Variants in TEP1 observed in about 807,000 individuals in gnomAD.
The protein encoded by TEP1 is telomerase protein component 1.
In TEP1, 241 loss-of-function variants were observed where a neutral mutation model predicts 306.3. That is an observed-to-expected ratio of 0.79 (90% CI 0.71 to 0.88). TEP1 has a LOEUF of 0.88. TEP1 is among the 40% of genes least tolerant of loss of function. TEP1 has a pLI of 0.00. For synonymous variants in TEP1, 1,289 were observed against 1,305.5 expected (o/e 0.99, Z 0.27); for missense variants, 3,051 against 3,276.1 (o/e 0.93, Z 1.68).
At chr14:20,389,382 C>T in intron 16 of TEP1, 85 bp from the exon 17 acceptor site, 1 of 1,516,936 alleles carries the variant, frequency 6.6e-7, no homozygotes, top group Non-Finnish European at 9.2e-7. Context: ...AGATGAAAAC[C>T]CCACTTCTGC....
intron 35 of TEP1, among the ~76,000 whole-genome samples, chr14:20,379,536 T>G (rs987698087): frequency 1.3e-5 from 2 of 152,248 alleles, no homozygotes; most frequent in African/African-American, 4.8e-5. Flanking sequence ...CTCAGGTTCC[T>G]TGTTCAAACA....
chr14:20,410,599 C>CCT (rs1879576613), intron 1 of TEP1, among the ~76,000 whole-genome samples: 1 of 138,824 alleles, frequency 7.2e-6, no homozygotes, highest in Admixed American at 7.3e-5. Context: ...ATTTTTTTTT[C>CCT]TTTTTTTTTT....
chr14:20,393,279 T>C (rs955706322), intron 12 of TEP1, among the ~76,000 whole-genome samples: 1 of 152,098 alleles, frequency 6.6e-6, no homozygotes, highest in Non-Finnish European at 1.5e-5. Context: ...CTGAATCTGA[T>C]AGTTTTATGA....
intron 9 of TEP1, 82 bp downstream of exon 9, chr14:20,400,902 G>T: frequency 1.3e-6 from 2 of 1,520,922 alleles, no homozygotes; most frequent in Non-Finnish European, 1.8e-6. Context: ...TCATTCCACA[G>T]AAATCTTCTA....
Position 20,383,495 on chromosome 14 carries a change from A to G in TEP1, c.3860T>C (p.Leu1287Pro), listed in dbSNP as rs748048653. The G allele has an allele frequency of 6.2e-7, 1 of 1,614,164 alleles. No individual in the cohort carries two copies. The highest frequency in any genetic ancestry group is 1.1e-5 in the South Asian group (1 of 91,086). Residue 1287 changes from leucine (L) to proline (P), a missense_variant, in exon 26 of 55, where the codon CTT (leucine) becomes CCT (proline). Coordinates refer to ENST00000262715, the MANE Select transcript of TEP1 (RefSeq NM_007110.5). Reference protein sequence around the residue: ...QLISDWIPKKLPRCVHLVLSV... With the variant: ...QLISDWIPKKPPRCVHLVLSV... ...CCTCCTTCTCACACTCACCCGGGGA[A>G]GCTTCTTTGGGATCCAGTCTGAAAT...
chr14:20,377,714 G>A lies in TEP1; in HGVS notation c.5761C>T (p.His1921Tyr). The change falls in exon 40 of 55, where the codon CAC becomes TAC. Residue 1921 changes from histidine to tyrosine, a missense_variant. His to Tyr is a moderately conservative substitution (Grantham distance 83). This residue lies in a region of TEP1 where 1,540 missense variants were observed against 1,705.9 expected (regional missense o/e 0.90). Transcript: ENST00000262715. ...WSGSLGRPRG[H>Y]LGSLSLSPAL... is the part of the protein sequence containing the mutation. Reference sequence around the variant, plus strand: ...GGAGAGAGAGAAAGGGAACCCAGGTGCCCACGGGGCCGACCCAGAGACCCT... The same window carrying A: ...GGAGAGAGAGAAAGGGAACCCAGGTACCCACGGGGCCGACCCAGAGACCCT... The A allele has an allele frequency of 6.2e-7, 1 of 1,613,990 alleles. No homozygotes were observed. Among genetic ancestry groups the A allele is most frequent in the Non-Finnish European group, 8.5e-7 (1 of 1,179,996 alleles).
chr14:20,385,190 C>A, intron 20 of TEP1, 81 bp from the exon 21 acceptor site: 1 of 1,556,862 alleles, frequency 6.4e-7, no homozygotes, highest in African/African-American at 1.4e-5. Context: ...CCCAGGACTC[C>A]TGTATCTCTG....
rs1884923995 is a variant in TEP1 at position 20,372,767 on chromosome 14, T to G, written c.7042A>C (p.Lys2348Gln). The G allele has an allele frequency of 1.2e-6, 2 of 1,614,134 alleles. No homozygotes were observed. The highest frequency in any genetic ancestry group is 1.7e-5 in the Admixed American group (1 of 60,012). ...CCGGGTGCCGAACCCTTCCGCAGTT[T>G]CACTTGCCACTCGCTGATTTTCTCA... is the stretch of plus-strand genomic sequence containing the variant. ...ADEKISEWQV[K>Q]LRKGSAPGNL... Residue 2348 changes from lysine (K) to glutamine (Q), a missense_variant, in exon 49 of 55, where the codon AAA becomes CAA. Coordinates refer to ENST00000262715, the MANE Select transcript of TEP1 (RefSeq NM_007110.5).
intron 7 of TEP1, 57 bp downstream of exon 7, chr14:20,403,320 T>C: frequency 1.3e-6 from 2 of 1,583,446 alleles, no homozygotes; most frequent in Non-Finnish European, 1.7e-6. Context: ...TGTTCGTAAA[T>C]ATTAGTCCAG....
chr14:20,373,201 GAT>G, intron 47 of TEP1, 54 bp from the exon 48 acceptor site: 1 of 1,613,066 alleles, frequency 6.2e-7, no homozygotes, highest in Non-Finnish European at 8.5e-7. Flanking sequence ...TGGGATAAGA[GAT>G]ATCAGGCCAC....
In TEP1 at chr14:20,403,828, A is replaced by G; in HGVS notation, c.1089T>C (p.Thr363=). The G allele has an allele frequency of 6.2e-7, 1 of 1,614,186 alleles. No homozygotes were observed. The highest frequency in any genetic ancestry group is 8.5e-7 in the Non-Finnish European group (1 of 1,180,030). The change falls in exon 6 of 55, where the codon ACT becomes ACC. Residue 363 remains threonine (T), a synonymous_variant. Transcript: ENST00000262715. ...KLVPLPACLR[T]AMTDKFAQFD... ...ACTGGGCAAATTTGTCCGTCATGGC[A>G]GTACGGAGACAGGCGGGCAGGGGCA...
In TEP1 at chr14:20,403,405, A is replaced by G. The variant is rs769120454; in HGVS notation, c.1238T>C (p.Ile413Thr). 4 of 1,614,154 alleles carry G rather than the reference A, an allele frequency of 2.5e-6. No individual in the cohort carries two copies. The highest frequency in any genetic ancestry group is 1.1e-5 in the South Asian group (1 of 91,080). The change falls in exon 7 of 55, where the codon ATA (isoleucine) becomes ACA (threonine). Residue 413 changes from isoleucine to threonine, a missense_variant. Around this residue, in one of 3 missense-constraint regions of TEP1, gnomAD observed 1,507 missense variants for 1,550.5 expected, o/e 0.97. Coordinates refer to ENST00000262715, the MANE Select transcript of TEP1 (RefSeq NM_007110.5). Reference protein sequence around the residue: ...PFSHRCFPRYIGFLREEQRKF... With the variant: ...PFSHRCFPRYTGFLREEQRKF... ...TCTCTGCTCTTCTCTGAGAAACCCT[A>G]TGTACCTTGGAAAACATCTGTGAGA...
At chr14:20,374,092 T>C (rs184494742) in intron 44 of TEP1, among the ~76,000 whole-genome samples, 178 of 143,342 alleles carry the variant, frequency 1.2e-3, no homozygotes, top group East Asian at 0.011. Context: ...CTTTTTCTCT[T>C]TTTTTTTTTT....
Position 20,371,460 on chromosome 14 carries a change from T to C in TEP1, c.7220+29A>G, listed in dbSNP as rs757041532. ...AACTCAGGTTTCCTTTTTCCCCAGC[T>C]CAGGAGGAAATGGCATTTTGGATCT... On this transcript the variant is annotated intron_variant, in intron 50 of 54. Coordinates refer to ENST00000262715, the MANE Select transcript of TEP1 (RefSeq NM_007110.5). 19 of 1,609,550 alleles carry C rather than the reference T, an allele frequency of 1.2e-5. No homozygotes were observed. The African/African-American group carries it at 2.6e-4, about 22-fold the overall frequency.
chr14:20,410,742 C>T (rs949545198), intron 1 of TEP1, among the ~76,000 whole-genome samples: 22 of 145,964 alleles, frequency 1.5e-4, no homozygotes, highest in Admixed American at 6.2e-4. Context: ...GCCTGGCGGA[C>T]TCCTTTTTTT....
chr14:20,410,515 C>T (rs1371985061), intron 1 of TEP1, among the ~76,000 whole-genome samples: 3 of 152,052 alleles, frequency 2.0e-5, no homozygotes, highest in African/African-American at 7.2e-5. Flanking sequence ...CTCCGCCTCC[C>T]AGGTTCAATC....
At position 20,367,737 on chromosome 14, in the gene TEP1, T is replaced by G. The variant is rs542208396; in HGVS notation, c.*700A>C. 41 of 152,242 alleles carry G rather than the reference T, an allele frequency of 2.7e-4. No individual in the cohort carries two copies. Among genetic ancestry groups the G allele is most frequent in the African/African-American group, 9.9e-4 (41 of 41,380 alleles). The allele number at this position is 152,242 out of a possible 1,614,324, so 9.4% of individuals were successfully genotyped here. A position where few individuals can be genotyped will look rare whatever the true frequency, so the allele number is the denominator to read the frequency against. On this transcript the variant is annotated 3_prime_UTR_variant, in exon 55 of 55. Coordinates refer to ENST00000262715, the MANE Select transcript of TEP1 (RefSeq NM_007110.5). ...CATTCTCCTGCCTCAGCCTCCCAAG[T>G]AGCTGGGACTACAGGTGCCCGCCGC...
chr14:20,395,648 T>C (rs1878138112), intron 11 of TEP1, 21 bp from the exon 12 acceptor site: 1 of 1,584,804 alleles, frequency 6.3e-7, no homozygotes, highest in African/African-American at 1.3e-5. Flanking sequence ...ACAGGTAAAT[T>C]TCCGAGTTAG....
chr14:20,406,334 A>C lies in TEP1; in HGVS notation c.634T>G (p.Leu212Val), dbSNP rs778965885. The change falls in exon 3 of 55, where the codon TTG (leucine) becomes GTG (valine). Residue 212 changes from leucine (L) to valine (V), a missense_variant. Around this residue, in one of 3 missense-constraint regions of TEP1, gnomAD observed 1,507 missense variants for 1,550.5 expected, o/e 0.97. Coordinates refer to ENST00000262715, the MANE Select transcript of TEP1 (RefSeq NM_007110.5). ...TCCTCCACCTCCTCCTCCTCTCCCAAGCTCAGACTATAAGAAGGCATTTGG... is the reference window on the plus strand; with the variant it reads ...TCCTCCACCTCCTCCTCCTCTCCCACGCTCAGACTATAAGAAGGCATTTGG... ...ETQMPSYSLS[L>V]GEEEEVEDLA... is the part of the protein sequence containing the mutation. The C allele has an allele frequency of 1.2e-6, 2 of 1,614,072 alleles. No homozygotes were observed. Among genetic ancestry groups the C allele is most frequent in the Non-Finnish European group, 1.7e-6 (2 of 1,180,024 alleles).
Sources: allele counts gnomAD v4.1 joint callset (sites outside exome capture counted in the v4.1 genomes callset), GRCh38; gene constraint gnomAD v4.1.1; regional missense constraint gnomAD v4.1.1; transcripts MANE v1.5; gene names NCBI Gene and HGNC (gene_info 2026-07-23, HGNC 2026-07-21).